The following MBP variants were observed in gnomAD, a reference collection of about 807,000 sequenced individuals.
MBP encodes Golli-MBP.
A neutral mutation model predicts 35.8 loss-of-function variants in MBP; 16 were observed. The ratio of observed to expected loss-of-function variants is 0.45; its 90% CI spans 0.30 to 0.68. The LOEUF is 0.68. Among genes scored for constraint, MBP ranks in the 30% least tolerant of loss-of-function variants. MBP has a pLI of 0.08. For missense variants in MBP, 380 were observed against 404.7 expected (o/e 0.94, Z 0.52); for synonymous variants, 143 against 159.6 (o/e 0.90, Z 0.78).
At chr18:77,029,448 G>A (rs1000441633) in intron 3 of MBP, among the ~76,000 whole-genome samples, 3 of 131,000 alleles carry the variant, frequency 2.3e-5, no homozygotes, top group African/African-American at 5.8e-5. Context: ...GGGAGGGGGA[G>A]GGGGAGGGGG....
At chr18:77,008,779 C>G (rs932903130) in intron 4 of MBP, among the ~76,000 whole-genome samples, 1 of 152,234 alleles carries the variant, frequency 6.6e-6, no homozygotes, top group Non-Finnish European at 1.5e-5. Context: ...CGGTGCAGCC[C>G]TGGACAGCCA....
intron 1 of MBP, among the ~76,000 whole-genome samples, chr18:77,110,758 G>C (rs1358231500): frequency 2.6e-5 from 4 of 151,820 alleles, no homozygotes; most frequent in Non-Finnish European, 5.9e-5. Flanking sequence ...TTTTTTTTCT[G>C]TATTTGGAAA....
intron 3 of MBP, among the ~76,000 whole-genome samples, chr18:77,049,764 C>T (rs1973407639): frequency 1.3e-5 from 2 of 152,140 alleles, no homozygotes; most frequent in Non-Finnish European, 2.9e-5. Flanking sequence ...ACTGCAACCT[C>T]TGCCTCCCGG....
At chr18:77,079,862 A>G (rs1425505041) in intron 2 of MBP, among the ~76,000 whole-genome samples, 2 of 152,192 alleles carry the variant, frequency 1.3e-5, no homozygotes, top group Non-Finnish European at 2.9e-5. Context: ...CTGTTCTTCA[A>G]TTAAATCTCA....
rs879544587 is a variant in MBP at position 76,989,813 on chromosome 18, G to T, written c.681+143C>A. On this transcript the variant is annotated intron_variant, in intron 5 of 8. Coordinates refer to ENST00000355994, the MANE Select transcript of MBP (RefSeq NM_001025101.2). This position sits in a 1 kb window ranked among gnomAD's most constrained non-coding sequence, Gnocchi z 4.0. ...CTGGAACTCGCGATCAGGTGCGAGG[G>T]GGGAGTTCCCCGGCCGGCCTCACCC... 14 of 672,716 alleles carry T rather than the reference G, an allele frequency of 2.1e-5. No homozygotes were observed. The highest frequency in any genetic ancestry group is 1.8e-5 in the African/African-American group (1 of 55,716). 41.7% of individuals were successfully genotyped at this position (672,716 alleles called of 1,614,324 possible).
At chr18:77,109,110 C>G (rs1419552347) in intron 1 of MBP, 1 of 152,318 alleles carries the variant, frequency 6.6e-6, no homozygotes, top group East Asian at 1.9e-4. Context: ...CTGTCTTCCT[C>G]TTACCTCCAC....
chr18:77,058,023 G>A lies in MBP; in HGVS notation c.139+8275C>T, dbSNP rs573970024. Among the ~76,000 whole-genome samples, 7 of 24,146 alleles carry A rather than the reference G, an allele frequency of 2.9e-4. 2 individuals carry two copies. The South Asian group carries it at 0.012, about 40-fold the overall frequency. 15.8% of individuals were successfully genotyped at this position (24,146 alleles called of 152,430 possible). ...TTGTATTTTTTTTTTTAATAGAGAC[G>A]GGGTTTCACCGTGTTAGCCAGGATG... On this transcript the variant is annotated intron_variant, in intron 3 of 8. Coordinates refer to ENST00000355994, the MANE Select transcript of MBP (RefSeq NM_001025101.2).
chr18:77,016,307 G>C lies in MBP; in HGVS notation c.576+525C>G, dbSNP rs535360055. On this transcript the variant is annotated intron_variant, in intron 4 of 8. Transcript: ENST00000355994. ...CCCCCCTTCCACTTCTCAGACCACA[G>C]AGAACGTTTGCTCAAGGCGGATTTA... The C allele has an allele frequency of 5.1e-6, 5 of 987,020 alleles. No homozygotes were observed. In the East Asian group the frequency reaches 3.4e-4, roughly 67 times the overall value. 61.1% of individuals were successfully genotyped at this position (987,020 alleles called of 1,614,324 possible).
At chr18:77,032,791 T>G (rs1251326504) in intron 3 of MBP, among the ~76,000 whole-genome samples, 10 of 152,122 alleles carry the variant, frequency 6.6e-5, no homozygotes, top group African/African-American at 9.7e-5. Context: ...CATAAGAAAG[T>G]GGCATCACAG....
At chr18:77,016,210 T>A (rs1971621161) in intron 4 of MBP, 1 of 984,574 alleles carries the variant, frequency 1.0e-6, no homozygotes, top group African/African-American at 1.8e-5. Flanking sequence ...AAGAAACTTC[T>A]AAGACTCTGT....
intron 3 of MBP, among the ~76,000 whole-genome samples, chr18:77,059,948 TGTAAA>T (rs1462915155): frequency 6.6e-6 from 1 of 152,148 alleles, no homozygotes; most frequent in Admixed American, 6.5e-5. Context: ...AGAAAAGTGA[TGTAAA>T]GTAAAAATAA....
At chr18:77,022,265 G>T (rs146927223) in intron 3 of MBP, among the ~76,000 whole-genome samples, 1 of 152,078 alleles carries the variant, frequency 6.6e-6, no homozygotes, top group Admixed American at 6.6e-5. Context: ...CGGTGGTCTC[G>T]TCCATGCACC....
At chr18:77,111,444 AAATTCCAGAG>A (rs536138579) in intron 1 of MBP, among the ~76,000 whole-genome samples, 3 of 152,370 alleles carry the variant, frequency 2.0e-5, no homozygotes, top group African/African-American at 7.2e-5. Context: ...GGAACTGTGG[AAATTCCAGAG>A]GATTGTCGTG....
intron 4 of MBP, among the ~76,000 whole-genome samples, chr18:76,994,957 C>T (rs1233901535): frequency 2.6e-5 from 4 of 152,052 alleles, no homozygotes; most frequent in African/African-American, 9.7e-5. Flanking sequence ...TCATCAGTTG[C>T]CTAGATAATT....
At chr18:77,083,097 C>A (rs978990050) in intron 2 of MBP, among the ~76,000 whole-genome samples, 1 of 152,100 alleles carries the variant, frequency 6.6e-6, no homozygotes. Flanking sequence ...CCTCAGCCCC[C>A]CGAGTAGCTG....
At chr18:77,084,329 T>G (rs769500813) in intron 2 of MBP, among the ~76,000 whole-genome samples, 2 of 151,804 alleles carry the variant, frequency 1.3e-5, no homozygotes, top group African/African-American at 4.8e-5. Context: ...AGGATTTTCA[T>G]GCATAAATAA....
At chr18:77,081,177 T>C (rs952361324) in intron 2 of MBP, among the ~76,000 whole-genome samples, 2 of 152,126 alleles carry the variant, frequency 1.3e-5, no homozygotes, top group African/African-American at 4.8e-5. Flanking sequence ...CTCTTAGAGA[T>C]GACACGGAAG....
chr18:77,097,906 C>CT (rs3214874), intron 2 of MBP, among the ~76,000 whole-genome samples: 1 of 150,494 alleles, frequency 6.6e-6, no homozygotes, highest in East Asian at 2.0e-4. Flanking sequence ...CAAATCAAAT[C>CT]TTTTTTTTAA....
At chr18:77,079,434 A>G (rs970320546) in intron 2 of MBP, among the ~76,000 whole-genome samples, 1 of 152,210 alleles carries the variant, frequency 6.6e-6, no homozygotes, top group Admixed American at 6.5e-5. Flanking sequence ...ACCAGGACAT[A>G]CAATGTTTAG....
Sources: allele counts gnomAD v4.1 joint callset (sites outside exome capture counted in the v4.1 genomes callset), GRCh38; gene constraint gnomAD v4.1.1; non-coding constraint Gnocchi (gnomAD v3.1); transcripts MANE v1.5; gene names NCBI Gene and HGNC (gene_info 2026-07-23, HGNC 2026-07-21).